Variants in NUFIP2 observed in about 807,000 individuals in gnomAD.
NUFIP2 encodes FMR1-interacting protein NUFIP2.
In NUFIP2, 6 loss-of-function variants were observed where a neutral mutation model predicts 56.9. The observed-to-expected ratio is 0.11, with a 90% CI of 0.06 to 0.21. The LOEUF is 0.21. Among genes scored for constraint, NUFIP2 ranks in the 10% least tolerant of loss-of-function variants. NUFIP2 has a pLI of 1.00. For missense variants in NUFIP2, 828 were observed against 826.8 expected (o/e 1.00, Z -0.02); for synonymous variants, 321 against 298.2 (o/e 1.08, Z -0.79).
chr17:29,266,118 T>A (rs2069034709), intron 3 of NUFIP2, among the ~76,000 whole-genome samples: 1 of 152,168 alleles, frequency 6.6e-6, no homozygotes, highest in Non-Finnish European at 1.5e-5. Flanking sequence ...TTTACAGGCA[T>A]GTGCCACCAC....
At chr17:29,293,114 T>TG (rs902291953) in intron 1 of NUFIP2, among the ~76,000 whole-genome samples, 2 of 149,010 alleles carry the variant, frequency 1.3e-5, no homozygotes, top group Non-Finnish European at 3.0e-5. Context: ...GCGCCGGCTC[T>TG]GGGGGGAGCG....
intron 2 of NUFIP2, among the ~76,000 whole-genome samples, chr17:29,284,448 G>A (rs1245396928): frequency 1.3e-5 from 2 of 152,164 alleles, no homozygotes; most frequent in East Asian, 3.9e-4. Context: ...GCTCACACCT[G>A]TAATCCCAGC....
At chr17:29,272,425 A>G (rs2069080493) in intron 2 of NUFIP2, among the ~76,000 whole-genome samples, 1 of 151,968 alleles carries the variant, frequency 6.6e-6, no homozygotes, top group African/African-American at 2.4e-5. Context: ...TATTTTTAGT[A>G]GAGACGGGGT....
Position 29,287,130 on chromosome 17 carries a change from T to C in NUFIP2, c.864A>G (p.Gly288=), listed in dbSNP as rs1447327007. The change falls in exon 2 of 4, where the codon GGA becomes GGG. Residue 288 remains glycine, a synonymous_variant. Transcript: ENST00000225388. The part of the protein sequence containing the change: ...PIWKYETGPG[G]TSRGKPAVGD... Reference sequence around the variant, plus strand: ...CCACAGCAGGTTTTCCTCGACTTGTTCCTCCAGGCCCAGTTTCATACTTCC... The same window carrying C: ...CCACAGCAGGTTTTCCTCGACTTGTCCCTCCAGGCCCAGTTTCATACTTCC... The C allele has an allele frequency of 1.9e-6, 3 of 1,614,036 alleles. No individual in the cohort carries two copies. Among genetic ancestry groups the C allele is most frequent in the Non-Finnish European group, 1.7e-6 (2 of 1,180,032 alleles).
intron 3 of NUFIP2, among the ~76,000 whole-genome samples, chr17:29,264,901 A>G (rs2069025394): frequency 6.6e-6 from 1 of 152,230 alleles, no homozygotes; most frequent in African/African-American, 2.4e-5. Context: ...AAAGCAGTGT[A>G]TTTGAATACA....
chr17:29,259,849 A>G lies in NUFIP2; in HGVS notation c.*4690T>C, dbSNP rs1475637671. ...ATTGCTGGCATCCTTTAACTACTTT[A>G]AGACCTTTCTTGAGCGGCAAAACAG... On this transcript the variant is annotated 3_prime_UTR_variant, in exon 4 of 4. Coordinates refer to ENST00000225388, the MANE Select transcript of NUFIP2 (RefSeq NM_020772.3). The G allele has an allele frequency of 6.6e-6, 1 of 152,210 alleles. No individual in the cohort carries two copies. Among genetic ancestry groups the G allele is most frequent in the Admixed American group, 6.5e-5 (1 of 15,278 alleles). 9.4% of individuals were successfully genotyped at this position (152,210 alleles called of 1,614,324 possible). A position where few individuals can be genotyped will look rare whatever the true frequency, so the allele number is the denominator to read the frequency against.
chr17:29,271,871 G>A (rs186419256), intron 2 of NUFIP2, among the ~76,000 whole-genome samples: 1 of 151,690 alleles, frequency 6.6e-6, no homozygotes, highest in Admixed American at 6.6e-5. Flanking sequence ...AGGAGTTCAA[G>A]ACCAGCCTGA....
At chr17:29,274,384 G>T (rs1165824574) in intron 2 of NUFIP2, among the ~76,000 whole-genome samples, 2 of 152,154 alleles carry the variant, frequency 1.3e-5, no homozygotes, top group Non-Finnish European at 2.9e-5. Flanking sequence ...GAAGCAAGAG[G>T]ATTGCTCGAG....
intron 1 of NUFIP2, among the ~76,000 whole-genome samples, chr17:29,288,677 G>T (rs1171365549): frequency 1.3e-5 from 2 of 152,182 alleles, no homozygotes; most frequent in Non-Finnish European, 2.9e-5. Context: ...TAAGAGAGAT[G>T]AAGTAAATTG....
At chr17:29,264,673 T>C in intron 3 of NUFIP2, 82 bp from the exon 4 acceptor site, 1 of 887,008 alleles carries the variant, frequency 1.1e-6, no homozygotes, top group Non-Finnish European at 1.8e-6. Context: ...CAAATAACCA[T>C]CATTTAAACT....
At chr17:29,267,990 T>G (rs1413975263) in intron 2 of NUFIP2, among the ~76,000 whole-genome samples, 1 of 152,028 alleles carries the variant, frequency 6.6e-6, no homozygotes, top group Admixed American at 6.5e-5. Context: ...CCTCCGCCTC[T>G]CGGGTTCCAG....
At chr17:29,292,148 T>C (rs1162711583) in intron 1 of NUFIP2, among the ~76,000 whole-genome samples, 6 of 152,210 alleles carry the variant, frequency 3.9e-5, no homozygotes, top group Admixed American at 2.6e-4. Flanking sequence ...TAAGATTAGT[T>C]TGGGGATCAA....
At chr17:29,283,206 C>T (rs556186750) in intron 2 of NUFIP2, among the ~76,000 whole-genome samples, 1 of 152,240 alleles carries the variant, frequency 6.6e-6, no homozygotes, top group Middle Eastern at 3.4e-3. Context: ...TTCAGCTAGC[C>T]CATGGATAGG....
intron 2 of NUFIP2, among the ~76,000 whole-genome samples, chr17:29,272,342 G>A (rs1019342446): frequency 1.3e-4 from 20 of 149,858 alleles, no homozygotes; most frequent in Non-Finnish European, 2.2e-4. Context: ...CAGGGTTCAC[G>A]CCATTCTCCC....
chr17:29,261,282 T>C lies in NUFIP2; in HGVS notation c.*3257A>G, dbSNP rs1333773915. 2 of 152,180 alleles carry C rather than the reference T, an allele frequency of 1.3e-5. No individual in the cohort carries two copies. The highest frequency in any genetic ancestry group is 2.9e-5 in the Non-Finnish European group (2 of 68,006). The allele number at this position is 152,180 out of a possible 1,614,324, so 9.4% of individuals were successfully genotyped here. Reference sequence around the variant, plus strand: ...AAGGATTTAAACCACCTGACTTTTTTCTGTGTAATGAAAACAAATGGCACA... The same window carrying C: ...AAGGATTTAAACCACCTGACTTTTTCCTGTGTAATGAAAACAAATGGCACA... On this transcript the variant is annotated 3_prime_UTR_variant, in exon 4 of 4. Transcript: ENST00000225388.
At chr17:29,283,510 T>C (rs185093380) in intron 2 of NUFIP2, among the ~76,000 whole-genome samples, 28 of 152,204 alleles carry the variant, frequency 1.8e-4, no homozygotes, top group Admixed American at 1.3e-3. Context: ...CTCAAATTCC[T>C]GAGCTCAAGT....
chr17:29,272,245 T>A (rs1598431195), intron 2 of NUFIP2, among the ~76,000 whole-genome samples: 1 of 149,814 alleles, frequency 6.7e-6, no homozygotes, highest in East Asian at 2.0e-4. Context: ...GTGTTCTTTT[T>A]TTTTTTTTTT....
At chr17:29,269,879 C>T (rs576459394) in intron 2 of NUFIP2, among the ~76,000 whole-genome samples, 2 of 152,094 alleles carry the variant, frequency 1.3e-5, no homozygotes, top group Non-Finnish European at 2.9e-5. Context: ...TGCCACCACG[C>T]CTGGCTAATT....
At chr17:29,292,758 C>T (rs1415473874) in intron 1 of NUFIP2, among the ~76,000 whole-genome samples, 1 of 149,902 alleles carries the variant, frequency 6.7e-6, no homozygotes, top group South Asian at 2.1e-4. Context: ...GCGCGCGGGG[C>T]CCTGCGCAGG....
Sources: gnomAD v4.1 joint callset for allele counts (sites outside exome capture counted in the v4.1 genomes callset) on GRCh38, gnomAD v4.1.1 for gene constraint, MANE v1.5 for transcripts, NCBI Gene and HGNC (gene_info 2026-07-23, HGNC 2026-07-21) for gene names.